The following HPSE2 variants were observed in gnomAD, a reference collection of about 807,000 sequenced individuals.
The protein encoded by HPSE2 is inactive heparanase-2.
Under a neutral mutation model 60.5 loss-of-function variants are expected in HPSE2, and 38 were observed. The ratio of observed to expected loss-of-function variants is 0.63; its 90% CI spans 0.48 to 0.82. The LOEUF is 0.82. Among genes scored for constraint, HPSE2 ranks in the 40% least tolerant of loss-of-function variants. The pLI, the probability that HPSE2 is intolerant of heterozygous loss-of-function variation, is 0.00. For missense variants in HPSE2, 713 were observed against 740.4 expected, an observed-to-expected ratio of 0.96 and a Z score of 0.43; for synonymous variants, 295 against 293.2, an observed-to-expected ratio of 1.01 and a Z score of -0.06.
At chr10:99,068,693 T>G (rs1394122932) in intron 3 of HPSE2, among the ~76,000 whole-genome samples, 1 of 152,082 alleles carries the variant, frequency 6.6e-6, no homozygotes, top group Non-Finnish European at 1.5e-5. Flanking sequence ...TAAAAGCTTC[T>G]CTAAAATGTT....
chr10:99,172,223 C>T (rs1847339242), intron 2 of HPSE2, among the ~76,000 whole-genome samples: 1 of 152,144 alleles, frequency 6.6e-6, no homozygotes, highest in African/African-American at 2.4e-5. Flanking sequence ...TGTACTGCTG[C>T]CATCTTGAAA....
At chr10:99,250,323 A>C in the HPSE2 span, among the ~76,000 whole-genome samples, 1 of 152,136 alleles carries the variant, frequency 6.6e-6, no homozygotes, top group Non-Finnish European at 1.5e-5. Context: ...TTCTTTATAA[A>C]TTACCCAGTT....
At chr10:98,783,083 C>A (rs1589820753) in intron 3 of HPSE2, among the ~76,000 whole-genome samples, 1 of 63,006 alleles carries the variant, frequency 1.6e-5, no homozygotes, top group Non-Finnish European at 3.1e-5. Context: ...AATGCTATCC[C>A]TCCCCCCTCC....
chr10:99,062,365 C>T (rs1247795592), intron 3 of HPSE2, among the ~76,000 whole-genome samples: 5 of 152,070 alleles, frequency 3.3e-5, no homozygotes, highest in African/African-American at 1.2e-4. Flanking sequence ...AGTAAACTGC[C>T]CACAACTAGT....
chr10:98,490,256 A>G (rs1417875535), intron 9 of HPSE2, 60 bp from the exon 10 acceptor site: 1 of 1,445,032 alleles, frequency 6.9e-7, no homozygotes, highest in East Asian at 2.4e-5. Context: ...TGTTCTGAGT[A>G]AACATGACAC....
At chr10:98,553,566 C>CA (rs1943921121) in intron 9 of HPSE2, among the ~76,000 whole-genome samples, 2 of 152,228 alleles carry the variant, frequency 1.3e-5, no homozygotes, top group African/African-American at 4.8e-5. Context: ...TGGCAATGGC[C>CA]AGGTCAATTC....
At chr10:99,039,719 A>T (rs1054361668) in intron 3 of HPSE2, among the ~76,000 whole-genome samples, 11 of 152,076 alleles carry the variant, frequency 7.2e-5, no homozygotes, top group Non-Finnish European at 1.6e-4. Flanking sequence ...GCAATGGATT[A>T]TAGGTCCAAG....
At chr10:98,780,139 G>A (rs992672056) in intron 3 of HPSE2, among the ~76,000 whole-genome samples, 1 of 152,134 alleles carries the variant, frequency 6.6e-6, no homozygotes, top group East Asian at 1.9e-4. Context: ...GAATTAGAAA[G>A]GAGGTTCTGA....
chr10:98,478,130 T>C (rs1464231280), intron 11 of HPSE2, among the ~76,000 whole-genome samples: 1 of 152,122 alleles, frequency 6.6e-6, no homozygotes, highest in Non-Finnish European at 1.5e-5. Flanking sequence ...AGATTCTGTA[T>C]TTTGCAGATG....
At chr10:98,633,655 A>G (rs1946423092) in intron 7 of HPSE2, among the ~76,000 whole-genome samples, 1 of 152,156 alleles carries the variant, frequency 6.6e-6, no homozygotes, top group South Asian at 2.1e-4. Context: ...GTTATCAGTA[A>G]GGCTTCTGGT....
intron 5 of HPSE2, among the ~76,000 whole-genome samples, chr10:98,707,908 T>TA (rs1234272263): frequency 1.3e-5 from 2 of 152,168 alleles, no homozygotes; most frequent in Admixed American, 6.5e-5. Context: ...TTATTGGATC[T>TA]ACCATATATT....
At chr10:99,248,000 C>T in the HPSE2 span, among the ~76,000 whole-genome samples, 4 of 152,222 alleles carry the variant, frequency 2.6e-5, no homozygotes, top group African/African-American at 4.8e-5. Flanking sequence ...CATGAGCCAA[C>T]TAAACCTCTT....
chr10:99,127,553 A>G (rs1185771903), intron 3 of HPSE2, among the ~76,000 whole-genome samples: 1 of 152,252 alleles, frequency 6.6e-6, no homozygotes, highest in Non-Finnish European at 1.5e-5. Flanking sequence ...GAGAAATCTA[A>G]AAGTTTGGAA....
At chr10:98,464,623 G>A (rs987581476) in intron 11 of HPSE2, among the ~76,000 whole-genome samples, 5 of 152,158 alleles carry the variant, frequency 3.3e-5, no homozygotes, top group Non-Finnish European at 7.3e-5. Flanking sequence ...TCCCTCACTG[G>A]GCTATGAATC....
chr10:98,884,777 T>C lies in HPSE2; in HGVS notation c.611-140721A>G, dbSNP rs149433498. The stretch of plus-strand genomic sequence containing the variant: ...CTGTTCCACCTCAGATCATCAGGCA[T>C]TACTTAGATTCTCGTAAGGAGCACA... On this transcript the variant is annotated intron_variant, in intron 3 of 11. Transcript: ENST00000370552. 6.4e-3 allele frequency among the ~76,000 whole-genome samples: 975 copies of C among 152,150 alleles called. 6 individuals carry two copies. Among genetic ancestry groups the C allele is most frequent in the Non-Finnish European group, 9.8e-3 (664 of 67,982 alleles).
At chr10:98,808,535 T>C (rs1951094694) in intron 3 of HPSE2, among the ~76,000 whole-genome samples, 1 of 152,190 alleles carries the variant, frequency 6.6e-6, no homozygotes, top group African/African-American at 2.4e-5. Context: ...GAGTCATGCC[T>C]GAGCAGCCCT....
intron 9 of HPSE2, among the ~76,000 whole-genome samples, chr10:98,525,069 G>A (rs1382435645): frequency 6.6e-6 from 1 of 152,158 alleles, no homozygotes; most frequent in African/African-American, 2.4e-5. Context: ...GGAGTGCAAT[G>A]GCACGATCTT....
At chr10:98,672,472 G>A (rs1458229386) in intron 6 of HPSE2, among the ~76,000 whole-genome samples, 5 of 152,184 alleles carry the variant, frequency 3.3e-5, no homozygotes, top group African/African-American at 1.2e-4. Flanking sequence ...TCTGAAACAA[G>A]CTATGAGTTT....
chr10:98,918,045 G>A (rs1954171735), intron 3 of HPSE2, among the ~76,000 whole-genome samples: 1 of 152,144 alleles, frequency 6.6e-6, no homozygotes, highest in Non-Finnish European at 1.5e-5. Context: ...GTACACATAT[G>A]TTATACACAT....
Sources: gnomAD v4.1 joint callset for allele counts (sites outside exome capture counted in the v4.1 genomes callset) on GRCh38, gnomAD v4.1.1 for gene constraint, MANE v1.5 for transcripts, NCBI Gene and HGNC (gene_info 2026-07-23, HGNC 2026-07-21) for gene names.